TMEM71: variants seen among roughly 807,000 people sequenced by gnomAD.
TMEM71 encodes transmembrane protein 71.
In TMEM71, 44 loss-of-function variants were observed where a neutral mutation model predicts 38.0. The observed-to-expected ratio is 1.16, with a 90% CI of 0.91 to 1.49. The LOEUF is 1.49. Among genes scored for constraint, TMEM71 ranks in the 40% most tolerant of loss-of-function variants. The probability of loss-of-function intolerance (pLI) is 0.00; values close to 1 mark genes in which losing one functional copy is unlikely to be tolerated. For synonymous variants in TMEM71, 133 were observed against 122.5 expected, an observed-to-expected ratio of 1.09 and a Z score of -0.56; for missense variants, 367 against 348.6, an observed-to-expected ratio of 1.05 and a Z score of -0.42.
chr8:132,718,699 C>A (rs969725527), intron 7 of TMEM71, among the ~76,000 whole-genome samples: 2 of 152,178 alleles, frequency 1.3e-5, no homozygotes, highest in Admixed American at 6.5e-5. Context: ...GCCCAGCCCC[C>A]CTACCTGGGG....
At chr8:132,760,221 C>T (rs911721737) in intron 1 of TMEM71, 5 of 151,458 alleles carry the variant, frequency 3.3e-5, no homozygotes, top group Non-Finnish European at 7.4e-5. Flanking sequence ...AGATCTAAAA[C>T]TTTTCAAGAA....
intron 3 of TMEM71, among the ~76,000 whole-genome samples, chr8:132,756,424 T>TATATAC (rs1829018876): frequency 7.0e-6 from 1 of 143,460 alleles, no homozygotes; most frequent in South Asian, 2.1e-4. Flanking sequence ...TATATATATA[T>TATATAC]ATATATATAT....
At chr8:132,706,035 G>A (rs1471098482), downstream of TMEM71, among the ~76,000 whole-genome samples, 2 of 152,092 alleles carry the variant, frequency 1.3e-5, no homozygotes, top group African/African-American at 4.8e-5. Context: ...ATAAAAAGAG[G>A]AGGAGACACT....
intron 3 of TMEM71, among the ~76,000 whole-genome samples, chr8:132,753,005 G>A (rs1828810185): frequency 6.6e-6 from 1 of 152,020 alleles, no homozygotes; most frequent in South Asian, 2.1e-4. Context: ...ACAGAGCCAT[G>A]TTGGAGAAAA....
intron 3 of TMEM71, among the ~76,000 whole-genome samples, chr8:132,754,680 T>A (rs1357161472): frequency 3.9e-5 from 6 of 152,252 alleles, no homozygotes; most frequent in Non-Finnish European, 7.3e-5. Flanking sequence ...ACTATTTGAA[T>A]GGCTATTCAT....
chr8:132,715,696 G>A (rs1039390918), intron 7 of TMEM71, among the ~76,000 whole-genome samples: 8 of 152,154 alleles, frequency 5.3e-5, no homozygotes, highest in Non-Finnish European at 1.2e-4. Context: ...CCTTCAATAG[G>A]TGAATGTATA....
chr8:132,726,502 G>A (rs1397870454), intron 6 of TMEM71, among the ~76,000 whole-genome samples: 1 of 152,126 alleles, frequency 6.6e-6, no homozygotes, highest in Non-Finnish European at 1.5e-5. Context: ...CTTTACATGA[G>A]TTATTTTAGT....
the TMEM71 span, among the ~76,000 whole-genome samples, chr8:132,767,309 A>G: frequency 6.6e-6 from 1 of 152,100 alleles, no homozygotes; most frequent in Non-Finnish European, 1.5e-5. Context: ...TGGGAAGATA[A>G]CTTTGAAATT....
downstream of TMEM71, among the ~76,000 whole-genome samples, chr8:132,706,280 A>G (rs1222303001): frequency 6.6e-6 from 1 of 152,094 alleles, no homozygotes; most frequent in African/African-American, 2.4e-5. Flanking sequence ...GTCCTTTAGC[A>G]TCTTCCATCA....
rs758375827 is a variant in TMEM71 at position 132,751,785 on chromosome 8, C to T, written c.314G>A (p.Arg105Lys). The change falls in exon 4 of 10, where the codon AGG becomes AAG. Residue 105 changes from arginine to lysine, a missense_variant and splice_region_variant. Coordinates refer to ENST00000677595, the MANE Select transcript of TMEM71 (RefSeq NM_001382403.1). ...TSVMYKENLV[R>K]IFRKKKRICH... ...TCTTTCTGTAATATGCTCTGCTTAC[C>T]TAACTAAGTTCTCCTTATACATAAC... 6.2e-7 allele frequency: 1 copy of T among 1,612,834 alleles called. No homozygotes were observed. The highest frequency in any genetic ancestry group is 1.1e-5 in the South Asian group (1 of 91,036).
chr8:132,728,794 G>A (rs2131068176), intron 5 of TMEM71, among the ~76,000 whole-genome samples: 1 of 152,314 alleles, frequency 6.6e-6, no homozygotes, highest in South Asian at 2.1e-4. Flanking sequence ...TGACCTAGCT[G>A]CTGGGATATA....
rs781681078 is a variant in TMEM71, at chr8:132,714,160, CA to C, written c.807del (p.Val270Ter). ...ASVFTCSLMI[T>X]VAYVKSLFLS... is the part of the protein sequence containing the mutation. ...CTGGGAAACAGTTACTTACAAGCTA[CA>C]GTTATCATCAATGAGCATGTGAAGA... On this transcript the variant is annotated frameshift_variant, in exon 8 of 10. Coordinates refer to ENST00000677595, the MANE Select transcript of TMEM71 (RefSeq NM_001382403.1). LOFTEE classifies it high-confidence loss of function. 6.2e-7 allele frequency: 1 copy of C among 1,612,856 alleles called. No homozygotes were observed. The highest frequency in any genetic ancestry group is 1.7e-5 in the Admixed American group (1 of 60,022).
chr8:132,771,864 G>T, the TMEM71 span, among the ~76,000 whole-genome samples: 1 of 152,058 alleles, frequency 6.6e-6, no homozygotes, highest in Admixed American at 6.6e-5. Flanking sequence ...ATTAATTCTG[G>T]AATAACTATA....
At chr8:132,746,124 T>C (rs904598027) in intron 5 of TMEM71, among the ~76,000 whole-genome samples, 1 of 149,872 alleles carries the variant, frequency 6.7e-6, no homozygotes, top group African/African-American at 2.5e-5. Flanking sequence ...CATCACATAA[T>C]ATACCCAAGT....
At chr8:132,718,725 T>C (rs1296859996) in intron 7 of TMEM71, among the ~76,000 whole-genome samples, 1 of 152,182 alleles carries the variant, frequency 6.6e-6, no homozygotes, top group Non-Finnish European at 1.5e-5. Flanking sequence ...AAGAATAAAT[T>C]GTTAAAAATT....
intron 5 of TMEM71, among the ~76,000 whole-genome samples, chr8:132,737,900 T>G (rs1827834794): frequency 6.6e-6 from 1 of 152,258 alleles, no homozygotes; most frequent in African/African-American, 2.4e-5. Context: ...GATTGGCTTA[T>G]GAATTACTCC....
intron 7 of TMEM71, among the ~76,000 whole-genome samples, chr8:132,720,730 G>A (rs1343161922): frequency 6.6e-6 from 1 of 152,206 alleles, no homozygotes; most frequent in African/African-American, 2.4e-5. Context: ...TGATGCTGCT[G>A]TATTTGACCC....
chr8:132,710,675 G>A lies in TMEM71; in HGVS notation c.*292C>T. The A allele has an allele frequency of 3.7e-6, 2 of 540,828 alleles. No individual in the cohort carries two copies. The highest frequency in any genetic ancestry group is 6.4e-6 in the Non-Finnish European group (2 of 311,730). 33.5% of individuals were successfully genotyped at this position (540,828 alleles called of 1,614,324 possible). A position where few individuals can be genotyped will look rare whatever the true frequency, so the allele number is the denominator to read the frequency against. On this transcript the variant is annotated 3_prime_UTR_variant, in exon 10 of 10. Coordinates refer to ENST00000677595, the MANE Select transcript of TMEM71 (RefSeq NM_001382403.1). Reference sequence around the variant, plus strand: ...GAACCACTGCCTTAAAGAATCATAGGGGGACATTTATTCCAGGCGGTCTCT... The same window carrying A: ...GAACCACTGCCTTAAAGAATCATAGAGGGACATTTATTCCAGGCGGTCTCT...
upstream of TMEM71, among the ~76,000 whole-genome samples, chr8:132,763,653 T>A (rs1186408769): frequency 1.3e-5 from 2 of 152,210 alleles, no homozygotes; most frequent in Non-Finnish European, 2.9e-5. Context: ...GGTCTCACCA[T>A]CTGTCAAAAT....
Sources: gnomAD v4.1 joint callset for allele counts (sites outside exome capture counted in the v4.1 genomes callset) on GRCh38, gnomAD v4.1.1 for gene constraint, MANE v1.5 for transcripts, NCBI Gene and HGNC (gene_info 2026-07-23, HGNC 2026-07-21) for gene names.